Variants in FMN1 observed in about 807,000 individuals in gnomAD.
The protein encoded by FMN1 is formin-1.
A neutral mutation model predicts 132.4 loss-of-function variants in FMN1; 110 were observed. The observed-to-expected ratio is 0.83, with a 90% CI of 0.71 to 0.97. The LOEUF (loss-of-function observed/expected upper bound fraction) is 0.97, where lower values mean the gene tolerates loss of function less well. Among genes scored for constraint, FMN1 ranks in the 50% least tolerant of loss-of-function variants. The pLI is 0.00. For synonymous variants in FMN1, 722 were observed against 651.7 expected, an observed-to-expected ratio of 1.11 and a Z score of -1.64; for missense variants, 1,792 against 1,705.3, an observed-to-expected ratio of 1.05 and a Z score of -0.90.
chr15:33,067,705 G>C, intron 5 of FMN1: 1 of 1,613,924 alleles, frequency 6.2e-7, no homozygotes, highest in Non-Finnish European at 8.5e-7. Flanking sequence ...CTAAACTATG[G>C]AATGCTTTCA....
At chr15:32,916,526 T>C (rs1267647903) in intron 10 of FMN1, among the ~76,000 whole-genome samples, 1 of 152,182 alleles carries the variant, frequency 6.6e-6, no homozygotes, top group Non-Finnish European at 1.5e-5. Context: ...AATCTGGTCA[T>C]CCGAAGTGTG....
intron 5 of FMN1, among the ~76,000 whole-genome samples, chr15:33,071,308 T>C (rs1356113520): frequency 2.6e-5 from 4 of 152,314 alleles, no homozygotes; most frequent in Middle Eastern, 3.4e-3. Flanking sequence ...CTAGCTGGCC[T>C]ATCTATCTAA....
intron 2 of FMN1, among the ~76,000 whole-genome samples, chr15:33,189,567 G>A (rs1481960453): frequency 6.6e-6 from 1 of 152,116 alleles, no homozygotes; most frequent in Admixed American, 6.5e-5. Flanking sequence ...GATAAAGCCA[G>A]GAACGTTCTC....
chr15:32,909,377 T>G (rs2060503359), intron 11 of FMN1, among the ~76,000 whole-genome samples: 1 of 152,240 alleles, frequency 6.6e-6, no homozygotes, highest in Non-Finnish European at 1.5e-5. Flanking sequence ...CCCAATGGCC[T>G]GGTATTTGTG....
At chr15:33,045,612 C>T (rs912381205) in intron 6 of FMN1, among the ~76,000 whole-genome samples, 3 of 152,084 alleles carry the variant, frequency 2.0e-5, no homozygotes, top group African/African-American at 4.8e-5. Flanking sequence ...ATTTGGAAGC[C>T]GTGACAGAAA....
chr15:32,918,193 C>G (rs1347962412), intron 10 of FMN1, among the ~76,000 whole-genome samples: 1 of 151,844 alleles, frequency 6.6e-6, no homozygotes, highest in Non-Finnish European at 1.5e-5. Context: ...GTCTAATTTT[C>G]TTGAGTATAT....
At chr15:32,848,818 A>G (rs1399427972) in intron 17 of FMN1, among the ~76,000 whole-genome samples, 3 of 152,134 alleles carry the variant, frequency 2.0e-5, no homozygotes, top group Non-Finnish European at 4.4e-5. Context: ...TCATCTGCCT[A>G]TTTTCTACCT....
At chr15:32,795,568 G>T (rs2057257826) in intron 19 of FMN1, among the ~76,000 whole-genome samples, 1 of 146,728 alleles carries the variant, frequency 6.8e-6, no homozygotes, top group Admixed American at 6.7e-5. Context: ...ACTGGCCCAA[G>T]ATCACATAGC....
At chr15:32,934,561 T>C (rs894179906) in intron 9 of FMN1, among the ~76,000 whole-genome samples, 1 of 151,902 alleles carries the variant, frequency 6.6e-6, no homozygotes, top group Admixed American at 6.6e-5. Context: ...TCTACGAACA[T>C]CTATTTCTCT....
chr15:32,855,642 T>G (rs1360086379), intron 17 of FMN1, among the ~76,000 whole-genome samples: 2 of 152,194 alleles, frequency 1.3e-5, no homozygotes, highest in Non-Finnish European at 2.9e-5. Context: ...TACCCTGACA[T>G]GCACATGGCA....
In FMN1 at chr15:32,857,033, C is replaced by T. The variant is rs756922250; in HGVS notation, c.3910G>A (p.Glu1304Lys). Residue 1304 changes from glutamate (E) to lysine (K), a missense_variant, in exon 17 of 21, where the codon GAG becomes AAG. This residue lies in a region of FMN1 where 1,150 missense variants were observed against 1,043.1 expected (regional missense o/e 1.10). Coordinates refer to ENST00000616417, the MANE Select transcript of FMN1 (RefSeq NM_001277313.2). Reference sequence around the variant, plus strand: ...TTCCTACCTTTTTGGAAGAACTCCTCTAGTTTGTCCTTGAAAGGCTGGAGA... The same window carrying T: ...TTCCTACCTTTTTGGAAGAACTCCTTTAGTTTGTCCTTGAAAGGCTGGAGA... ...EYLQPFKDKL[E>K]EFFQKAKKEH... 6.2e-7 allele frequency: 1 copy of T among 1,613,124 alleles called. No individual in the cohort carries two copies.
chr15:32,935,200 C>T (rs890370111), intron 9 of FMN1, among the ~76,000 whole-genome samples: 17 of 152,134 alleles, frequency 1.1e-4, no homozygotes, highest in Non-Finnish European at 1.9e-4. Context: ...GGATTACAGG[C>T]GTGAGCCACT....
chr15:33,165,597 T>C (rs913782200), intron 3 of FMN1, among the ~76,000 whole-genome samples: 1 of 152,190 alleles, frequency 6.6e-6, no homozygotes, highest in Non-Finnish European at 1.5e-5. Context: ...TTCACTGTGT[T>C]AGCCAGGATG....
intron 16 of FMN1, among the ~76,000 whole-genome samples, chr15:32,880,183 CATT>C (rs2059732669): frequency 6.6e-6 from 1 of 152,002 alleles, no homozygotes; most frequent in African/African-American, 2.4e-5. Context: ...TTGGTGTTGA[CATT>C]ATTATGACTT....
intron 16 of FMN1, among the ~76,000 whole-genome samples, chr15:32,875,291 C>T (rs1020972517): frequency 4.6e-5 from 7 of 151,856 alleles, no homozygotes; most frequent in African/African-American, 1.5e-4. Context: ...TAACAGACCC[C>T]CTGCCCTTAT....
chr15:32,929,287 G>T (rs1021318587), intron 9 of FMN1, among the ~76,000 whole-genome samples: 1 of 152,166 alleles, frequency 6.6e-6, no homozygotes, highest in African/African-American at 2.4e-5. Context: ...AGCCACTCTT[G>T]TGAAATACCA....
At chr15:32,780,902 A>G (rs1270600158) in intron 19 of FMN1, among the ~76,000 whole-genome samples, 1 of 152,186 alleles carries the variant, frequency 6.6e-6, no homozygotes, top group East Asian at 1.9e-4. Context: ...ACAGACATCT[A>G]TCTGTATTTA....
At chr15:32,817,778 T>C (rs1170707964) in intron 17 of FMN1, among the ~76,000 whole-genome samples, 1 of 152,242 alleles carries the variant, frequency 6.6e-6, no homozygotes, top group Non-Finnish European at 1.5e-5. Context: ...ACAGTGAATT[T>C]ATCAGAATTC....
chr15:32,786,341 C>T lies in FMN1; in HGVS notation c.4131-9422G>A, dbSNP rs559782938. On this transcript the variant is annotated intron_variant, in intron 19 of 20. Coordinates refer to ENST00000616417, the MANE Select transcript of FMN1 (RefSeq NM_001277313.2). Reference sequence around the variant, plus strand: ...TTCCGTGGTATAAAAAAGGTATTGGCCCTCACTGTAGATCACACCTGTAAA... The same window carrying T: ...TTCCGTGGTATAAAAAAGGTATTGGTCCTCACTGTAGATCACACCTGTAAA... 2.4e-4 allele frequency among the ~76,000 whole-genome samples: 37 copies of T among 152,260 alleles called. 1 individual carries two copies. In the South Asian group the frequency reaches 7.5e-3, roughly 31 times the overall value.
Sources: allele counts gnomAD v4.1 joint callset (sites outside exome capture counted in the v4.1 genomes callset), GRCh38; gene constraint gnomAD v4.1.1; regional missense constraint gnomAD v4.1.1; transcripts MANE v1.5; gene names NCBI Gene and HGNC (gene_info 2026-07-23, HGNC 2026-07-21).